The following AGAP3 variants were observed in gnomAD, a reference collection of about 807,000 sequenced individuals.
AGAP3 encodes the protein arf-GAP with GTPase, ANK repeat and PH domain-containing protein 3.
Under a neutral mutation model 96.9 loss-of-function variants are expected in AGAP3, and 24 were observed. That is an observed-to-expected ratio of 0.25 (90% CI 0.18 to 0.35). The LOEUF is 0.35. Among genes scored for constraint, AGAP3 ranks in the 10% least tolerant of loss-of-function variants. The pLI is 1.00. For synonymous variants in AGAP3, 563 were observed against 536.1 expected (o/e 1.05, Z -0.69); for missense variants, 876 against 1,254.2 (o/e 0.70, Z 4.55).
At position 151,143,464 on chromosome 7, in the gene AGAP3, G is replaced by A; in HGVS notation, c.2397G>A (p.Arg799=). ...LLRAVVEDDL[R]LLVMLLAHGS... ...GGGCCGTGGTGGAAGATGACCTGCG[G>A]CTGTTGGTGATGCTCCTGGCACATG... Residue 799 remains arginine, a synonymous_variant, in exon 17 of 18, where the codon CGG becomes CGA. Coordinates refer to ENST00000397238, the MANE Select transcript of AGAP3 (RefSeq NM_031946.7). The surrounding 1 kb of genome is among the most constrained non-coding windows in gnomAD (Gnocchi z 5.9). 1.2e-6 allele frequency: 2 copies of A among 1,614,252 alleles called. No homozygotes were observed. Among genetic ancestry groups the A allele is most frequent in the Non-Finnish European group, 1.7e-6 (2 of 1,180,042 alleles).
chr7:151,099,211 C>G (rs1173366469), intron 1 of AGAP3, among the ~76,000 whole-genome samples: 2 of 151,562 alleles, frequency 1.3e-5, no homozygotes, highest in African/African-American at 4.8e-5. Flanking sequence ...GGCATGGTGG[C>G]GGGCGCCTGT....
intron 8 of AGAP3, chr7:151,121,027 G>A (rs1169136286): frequency 3.9e-5 from 8 of 205,664 alleles, no homozygotes; most frequent in East Asian, 3.5e-4. Flanking sequence ...CACTCCATGC[G>A]CCTCTTTCCG....
chr7:151,117,253 TG>T (rs35671547), intron 3 of AGAP3, 71 bp downstream of exon 3: 46 of 1,578,744 alleles, frequency 2.9e-5, no homozygotes, highest in Admixed American at 8.4e-5. Flanking sequence ...AGGGTCTGGG[TG>T]GGGGGTCTCC....
chr7:151,115,003 G>A, intron 1 of AGAP3: 2 of 988,332 alleles, frequency 2.0e-6, no homozygotes, highest in Non-Finnish European at 2.4e-6. Context: ...CTTTTGCTCG[G>A]CCTCCTGCGC....
chr7:151,136,969 T>C (rs1432149695), intron 11 of AGAP3, among the ~76,000 whole-genome samples: 3 of 152,218 alleles, frequency 2.0e-5, no homozygotes, highest in African/African-American at 7.2e-5. Flanking sequence ...GACCGGCCTG[T>C]AGCCTCTGTG....
At chr7:151,109,174 A>AC (rs199849559) in intron 1 of AGAP3, among the ~76,000 whole-genome samples, 5,349 of 147,294 alleles carry the variant, frequency 0.036, 286 homozygotes, top group East Asian at 0.2. Flanking sequence ...GTAAAAAAAA[A>AC]AAAAAACAAA....
Position 151,118,301 on chromosome 7 carries a change from G to A in AGAP3, c.798G>A (p.Thr266=), listed in dbSNP as rs778385231. 7.4e-6 allele frequency: 12 copies of A among 1,613,440 alleles called. No homozygotes were observed. In the South Asian group the frequency reaches 7.7e-5, roughly 10 times the overall value. ...TGAAGCGGTGCACCTACTATGAGAC[G>A]TGCGCGACCTACGGGCTCAATGTGG... ...TDLKRCTYYE[T]CATYGLNVER... Residue 266 remains threonine (T), a synonymous_variant, in exon 6 of 18, where the codon ACG becomes ACA. Coordinates refer to ENST00000397238, the MANE Select transcript of AGAP3 (RefSeq NM_031946.7). The surrounding 1 kb of genome is among the most constrained non-coding windows in gnomAD (Gnocchi z 6.1).
chr7:151,123,097 C>T, intron 8 of AGAP3: 5 of 1,159,704 alleles, frequency 4.3e-6, no homozygotes, highest in Non-Finnish European at 5.3e-6. Flanking sequence ...AGTCCAAGCC[C>T]GCCCGGCCCG....
chr7:151,112,926 G>GTT (rs1317776876), intron 1 of AGAP3, among the ~76,000 whole-genome samples: 1 of 152,102 alleles, frequency 6.6e-6, no homozygotes, highest in Admixed American at 6.5e-5. Context: ...TAGAGATGGG[G>GTT]TTTCACTACG....
At position 151,142,580 on chromosome 7, in the gene AGAP3, G is replaced by A; in HGVS notation, c.2219G>A (p.Ser740Asn). 1 of 1,613,636 alleles carries A rather than the reference G, an allele frequency of 6.2e-7. No individual in the cohort carries two copies. The highest frequency in any genetic ancestry group is 8.5e-7 in the Non-Finnish European group (1 of 1,180,032). The change falls in exon 16 of 18, where the codon AGC becomes AAC. Residue 740 changes from serine (S) to asparagine (N), a missense_variant. This residue lies in a region of AGAP3 where 213 missense variants were observed against 253.8 expected (regional missense o/e 0.84). Coordinates refer to ENST00000397238, the MANE Select transcript of AGAP3 (RefSeq NM_031946.7). This position sits in a 1 kb window ranked among gnomAD's most constrained non-coding sequence, Gnocchi z 7.5. ...MTAMGNALAN[S>N]VWEGALGGYS... ...GCCATGGGCAATGCCCTCGCCAACA[G>A]CGTCTGGGAGGGGGCCTTGGGTGGC...
rs1800629799 is a variant in AGAP3 at position 151,137,179 on chromosome 7, G to A, written c.1496-964G>A. Among the ~76,000 whole-genome samples, 7 of 152,198 alleles carry A rather than the reference G, an allele frequency of 4.6e-5. No individual in the cohort carries two copies. In the South Asian group the frequency reaches 1.5e-3, roughly 32 times the overall value. ...CCGCAGGCTTCCCCTCAGTCCCGCC[G>A]CCTGCAGGGCTGGTGTGAGACCTGG... On this transcript the variant is annotated intron_variant, in intron 11 of 17. Coordinates refer to ENST00000397238, the MANE Select transcript of AGAP3 (RefSeq NM_031946.7).
intron 1 of AGAP3, among the ~76,000 whole-genome samples, chr7:151,095,624 C>T (rs1386712160): frequency 7.0e-6 from 1 of 143,066 alleles, no homozygotes; most frequent in African/African-American, 2.6e-5. Flanking sequence ...TTTCCAGGCA[C>T]TGGTGGATGG....
intron 8 of AGAP3, chr7:151,120,461 C>T: frequency 1.5e-6 from 1 of 661,586 alleles, no homozygotes; most frequent in Non-Finnish European, 2.7e-6. Context: ...TGTCTGTGAG[C>T]TTGAAAGTAT....
chr7:151,122,094 G>A (rs1212020052), intron 8 of AGAP3, among the ~76,000 whole-genome samples: 2 of 152,164 alleles, frequency 1.3e-5, no homozygotes, highest in African/African-American at 4.8e-5. Flanking sequence ...GGGCCTCTTG[G>A]CTCACAATCT....
intron 1 of AGAP3, among the ~76,000 whole-genome samples, chr7:151,102,343 A>G (rs1283668263): frequency 6.6e-6 from 1 of 152,174 alleles, no homozygotes; most frequent in African/African-American, 2.4e-5. Context: ...AAACTACTCA[A>G]ACGCGCCACC....
At chr7:151,135,195 G>A (rs765110507) in intron 11 of AGAP3, among the ~76,000 whole-genome samples, 7 of 152,150 alleles carry the variant, frequency 4.6e-5, no homozygotes, top group Non-Finnish European at 8.8e-5. Context: ...TCCAGGGTCC[G>A]TCCTTCCACA....
At chr7:151,129,561 C>G (rs1800319840) in intron 10 of AGAP3, among the ~76,000 whole-genome samples, 1 of 152,216 alleles carries the variant, frequency 6.6e-6, no homozygotes, top group South Asian at 2.1e-4. Flanking sequence ...CCCCTCAGCT[C>G]AGGGGACAAT....
rs909353558 is a variant in AGAP3, at chr7:151,128,004, A to G, written c.1222-576A>G. On this transcript the variant is annotated intron_variant, in intron 9 of 17. Transcript: ENST00000397238. The stretch of plus-strand genomic sequence containing the variant: ...GCGAGTCTCACTGGCTTACGCGGGA[A>G]GTGTGGTTGCTGGGAGGGAAGGCTG... Among the ~76,000 whole-genome samples, 3 of 152,104 alleles carry G rather than the reference A, an allele frequency of 2.0e-5. No individual in the cohort carries two copies. In the East Asian group the frequency reaches 5.8e-4, roughly 29 times the overall value.
At chr7:151,122,963 C>T (rs1799980709) in intron 8 of AGAP3, 3 of 1,434,256 alleles carry the variant, frequency 2.1e-6, no homozygotes, top group Middle Eastern at 2.6e-4. Flanking sequence ...AGCGCCGGAG[C>T]CCGCGCTGGG....
Sources: allele counts gnomAD v4.1 joint callset (sites outside exome capture counted in the v4.1 genomes callset), GRCh38; gene constraint gnomAD v4.1.1; regional missense constraint gnomAD v4.1.1; non-coding constraint Gnocchi (gnomAD v3.1); transcripts MANE v1.5; gene names NCBI Gene and HGNC (gene_info 2026-07-23, HGNC 2026-07-21).